The following RUVBL1 variants were observed in gnomAD, a reference collection of about 807,000 sequenced individuals.
RUVBL1 encodes the protein ruvB-like 1.
Under a neutral mutation model 52.4 loss-of-function variants are expected in RUVBL1, and 4 were observed. That is an observed-to-expected ratio of 0.08 (90% CI 0.04 to 0.17). The LOEUF (loss-of-function observed/expected upper bound fraction) is 0.17. RUVBL1 is among the 10% of genes least tolerant of loss of function. The pLI is 1.00. For synonymous variants in RUVBL1, 217 were observed against 214.4 expected, an observed-to-expected ratio of 1.01 and a Z score of -0.10; for missense variants, 298 against 572.8, an observed-to-expected ratio of 0.52 and a Z score of 4.90.
intron 1 of RUVBL1, among the ~76,000 whole-genome samples, chr3:128,134,613 C>A (rs1323252123): frequency 6.6e-6 from 1 of 151,556 alleles, no homozygotes; most frequent in African/African-American, 2.4e-5. Flanking sequence ...ATGGTGAAAC[C>A]CCATCTCTAC....
intron 1 of RUVBL1, among the ~76,000 whole-genome samples, chr3:128,144,831 C>T (rs1944079226): frequency 6.6e-6 from 1 of 152,224 alleles, no homozygotes; most frequent in Admixed American, 6.5e-5. Flanking sequence ...AGGGGATCCC[C>T]TGGTCCCTCC....
At chr3:128,118,649 C>T (rs1368285862) in intron 2 of RUVBL1, among the ~76,000 whole-genome samples, 1 of 152,220 alleles carries the variant, frequency 6.6e-6, no homozygotes, top group Non-Finnish European at 1.5e-5. Flanking sequence ...GTGTCCTCTG[C>T]CTGAAAGGCC....
chr3:128,077,343 C>G (rs571687358), downstream of RUVBL1, among the ~76,000 whole-genome samples: 1 of 152,328 alleles, frequency 6.6e-6, no homozygotes, highest in East Asian at 1.9e-4. Flanking sequence ...CCCTCACCCC[C>G]TATCCTCTTA....
upstream of RUVBL1, among the ~76,000 whole-genome samples, chr3:128,128,007 A>C (rs78521476): frequency 4.7e-5 from 7 of 148,886 alleles, no homozygotes; most frequent in South Asian, 2.2e-4. Context: ...AAAAATAATA[A>C]ATACATACAT....
At chr3:128,064,859 C>T (rs1389409969) in exon 10 of RUVBL1, 18 of 1,576,702 alleles carry the variant, frequency 1.1e-5, no homozygotes, top group South Asian at 8.3e-5. Flanking sequence ...TCATATATGT[C>T]TCCTCCTCTG....
chr3:128,082,471 G>A lies in RUVBL1; in HGVS notation c.1211+12C>T. The A allele has an allele frequency of 6.2e-7, 1 of 1,610,652 alleles. No individual in the cohort carries two copies. The highest frequency in any genetic ancestry group is 1.1e-5 in the South Asian group (1 of 91,000). ...CTGGGGAGGCCCCGGCGGGCCCAGG[G>A]TACCAGCTCACCTCAGTGTGGTCTT... is the stretch of plus-strand genomic sequence containing the variant. On this transcript the variant is annotated intron_variant, in intron 10 of 10. Transcript: ENST00000322623. The surrounding 1 kb of genome is among the most constrained non-coding windows in gnomAD (Gnocchi z 4.7).
chr3:128,151,014 TTATA>T (rs1301232967), intron 1 of RUVBL1, among the ~76,000 whole-genome samples: 1 of 95,330 alleles, frequency 1.0e-5, no homozygotes, highest in African/African-American at 4.6e-5. Context: ...ATATTATATA[TTATA>T]TATATAATAT....
rs138933180 is a variant in RUVBL1, at chr3:128,097,553, C to T, written c.818-55G>A. 3.3e-4 allele frequency: 486 copies of T among 1,486,360 alleles called. 1 individual carries two copies. In the African/African-American group the frequency reaches 5.7e-3, roughly 18 times the overall value. 92.1% of individuals were successfully genotyped at this position (1,486,360 alleles called of 1,614,324 possible). On this transcript the variant is annotated intron_variant, in intron 7 of 10. Transcript: ENST00000322623. ...TCAGCACAGGGCTGGGGGAGACTATCGCCTTTTCTCCTCCACCTGAATTCA... is the reference window on the plus strand; with the variant it reads ...TCAGCACAGGGCTGGGGGAGACTATTGCCTTTTCTCCTCCACCTGAATTCA...
chr3:128,070,199 C>T (rs1324679463), intron 9 of RUVBL1: 1 of 152,422 alleles, frequency 6.6e-6, no homozygotes, highest in East Asian at 1.9e-4. Flanking sequence ...CATTGTTTTC[C>T]CTTATTTTAA....
At chr3:128,076,407 G>A (rs186661794), downstream of RUVBL1, among the ~76,000 whole-genome samples, 114 of 152,296 alleles carry the variant, frequency 7.5e-4, no homozygotes, top group African/African-American at 2.4e-3. The surrounding 1 kb of genome is among the most constrained non-coding windows in gnomAD (Gnocchi z 6.8). Context: ...GGAGAGGCGG[G>A]GCCGGCATTC....
At chr3:128,153,468 AG>A in exon 1 of RUVBL1, 1 of 1,456,872 alleles carries the variant, frequency 6.9e-7, no homozygotes, top group Non-Finnish European at 9.0e-7. Flanking sequence ...GAGGGAGGTG[AG>A]GGGCGGGCCG....
At chr3:128,110,019 G>C (rs1943344350) in intron 3 of RUVBL1, among the ~76,000 whole-genome samples, 1 of 152,032 alleles carries the variant, frequency 6.6e-6, no homozygotes, top group Non-Finnish European at 1.5e-5. Context: ...GTTTCACCAT[G>C]TTGGCCAGCC....
Position 128,082,636 on chromosome 3 carries a change from G to A in RUVBL1, c.1120-62C>T. The A allele has an allele frequency of 7.8e-7, 1 of 1,284,362 alleles. No individual in the cohort carries two copies. The highest frequency in any genetic ancestry group is 2.3e-5 in the East Asian group (1 of 42,974). The allele number at this position is 1,284,362 out of a possible 1,614,324, so 79.6% of individuals were successfully genotyped here. ...ACCTCAAGTGCCCCATTTCTAAAGT[G>A]CTTTAAAGACAATGTTGCTCAGATT... is the stretch of plus-strand genomic sequence containing the variant. On this transcript the variant is annotated intron_variant, in intron 9 of 10. Transcript: ENST00000322623. This position sits in a 1 kb window ranked among gnomAD's most constrained non-coding sequence, Gnocchi z 4.7.
chr3:128,064,952 G>A (rs1165057749), exon 10 of RUVBL1: 5 of 1,614,182 alleles, frequency 3.1e-6, no homozygotes, highest in East Asian at 2.2e-5. Context: ...CGAGCCCTTC[G>A]GGAGGCGTTC....
chr3:128,153,224 A>G (rs543689255), exon 1 of RUVBL1: 1 of 1,325,676 alleles, frequency 7.5e-7, no homozygotes, highest in East Asian at 3.2e-5. Flanking sequence ...AAATGGCTTC[A>G]CTTCTCAGAA....
chr3:128,106,522 T>C (rs1559820088), intron 3 of RUVBL1, among the ~76,000 whole-genome samples: 1 of 152,066 alleles, frequency 6.6e-6, no homozygotes, highest in African/African-American at 2.4e-5. Context: ...GACCTGTGTT[T>C]CCACTGGCAC....
In RUVBL1 at chr3:128,082,470, G is replaced by GGTAC; in HGVS notation, c.1211+9_1211+12dup. The GGTAC allele has an allele frequency of 1.2e-6, 2 of 1,610,432 alleles. No homozygotes were observed. The highest frequency in any genetic ancestry group is 1.7e-6 in the Non-Finnish European group (2 of 1,177,266). On this transcript the variant is annotated intron_variant, in intron 10 of 10. Transcript: ENST00000322623. This position sits in a 1 kb window ranked among gnomAD's most constrained non-coding sequence, Gnocchi z 4.7. ...GCTGGGGAGGCCCCGGCGGGCCCAG[G>GGTAC]GTACCAGCTCACCTCAGTGTGGTCT... is the stretch of plus-strand genomic sequence containing the variant.
In RUVBL1 at chr3:128,123,709, C is replaced by T. The variant is rs919786135; in HGVS notation, c.16G>A (p.Val6Met). The T allele has an allele frequency of 3.1e-6, 5 of 1,605,520 alleles. No homozygotes were observed. In the African/African-American group the frequency reaches 6.7e-5, roughly 21 times the overall value. ...CGCTGCGTCTTCGTAGTGCTCTTCA[C>T]CTCCTCAATCTTCATTTTGCAGACG... MKIEEVKSTTKTQRIA... is the reference protein window; with the variant it reads MKIEEMKSTTKTQRIA... Residue 6 changes from valine to methionine, a missense_variant, in exon 1 of 11, where the codon GTG becomes ATG. Physicochemically the swap from Val to Met is conservative, Grantham distance 21. Around this residue, in one of 5 missense-constraint regions of RUVBL1, gnomAD observed 71 missense variants for 125.7 expected, o/e 0.57. Coordinates refer to ENST00000322623, the MANE Select transcript of RUVBL1 (RefSeq NM_003707.3).
Position 128,082,882 on chromosome 3 carries a change from C to T in RUVBL1, c.1120-308G>A. On this transcript the variant is annotated intron_variant, in intron 9 of 10. Transcript: ENST00000322623. The surrounding 1 kb of genome is among the most constrained non-coding windows in gnomAD (Gnocchi z 4.7). ...AGTGGCTCACTCTTGCCTCCATGTCCTCCCGTCCCCTGTCCCCAGGCAGAG... is the reference window on the plus strand; with the variant it reads ...AGTGGCTCACTCTTGCCTCCATGTCTTCCCGTCCCCTGTCCCCAGGCAGAG... 1 of 253,650 alleles carries T rather than the reference C, an allele frequency of 3.9e-6. No individual in the cohort carries two copies. The highest frequency in any genetic ancestry group is 7.7e-6 in the Non-Finnish European group (1 of 130,310). 15.7% of individuals were successfully genotyped at this position (253,650 alleles called of 1,614,324 possible). A position where few individuals can be genotyped will look rare whatever the true frequency, so the allele number is the denominator to read the frequency against.
Sources: gnomAD v4.1 joint callset for allele counts (sites outside exome capture counted in the v4.1 genomes callset) on GRCh38, gnomAD v4.1.1 for gene constraint, gnomAD v4.1.1 regional missense constraint, Gnocchi (gnomAD v3.1) non-coding constraint, MANE v1.5 for transcripts, NCBI Gene and HGNC (gene_info 2026-07-23, HGNC 2026-07-21) for gene names.